WDR35: variants seen among roughly 807,000 people sequenced by gnomAD.
WDR35 encodes the protein WD repeat-containing protein 35.
A neutral mutation model predicts 158.3 loss-of-function variants in WDR35; 118 were observed. The observed-to-expected ratio is 0.75, with a 90% CI of 0.64 to 0.87. WDR35 has a LOEUF of 0.87. Ranked by LOEUF, WDR35 falls within the 40% of genes least tolerant of loss-of-function variation. WDR35 has a pLI of 0.00. For missense variants in WDR35, 1,263 were observed against 1,405.8 expected (o/e 0.90, Z 1.62); for synonymous variants, 448 against 476.1 (o/e 0.94, Z 0.77).
At chr2:19,928,426 T>C (rs1670423140) in intron 25 of WDR35, among the ~76,000 whole-genome samples, 1 of 152,230 alleles carries the variant, frequency 6.6e-6, no homozygotes, top group Non-Finnish European at 1.5e-5. Flanking sequence ...GATTTCCCAC[T>C]TCACACCTCT....
rs1670516739 is a variant in WDR35 at position 19,931,284 on chromosome 2, T to C, written c.2949A>G (p.Lys983=). The change falls in exon 24 of 27, where the codon AAA becomes AAG. Residue 983 remains lysine (K), a synonymous_variant. Coordinates refer to ENST00000281405, the MANE Select transcript of WDR35 (RefSeq NM_020779.4). The part of the protein sequence containing the change: ...QMKNAQRGKV[K]GKSSEATSAL... ...GCTACTTTACCTCTGAACTTTTTCC[T>C]TTAACTTTTCCTCGCTGGGCATTCT... The C allele has an allele frequency of 6.2e-7, 1 of 1,613,186 alleles. No individual in the cohort carries two copies. The highest frequency in any genetic ancestry group is 8.5e-7 in the Non-Finnish European group (1 of 1,179,642).
rs1671334154 is a variant in WDR35, at chr2:19,953,937, C to G, written c.1297G>C (p.Ala433Pro). The G allele has an allele frequency of 6.2e-7, 1 of 1,614,154 alleles. No individual in the cohort carries two copies. The highest frequency in any genetic ancestry group is 8.5e-7 in the Non-Finnish European group (1 of 1,180,008). ...CAGGTATAAAATGCTTCTTTCGAGGCTGCTATCACATGGGTTTTGGTCATT... is the reference window on the plus strand; with the variant it reads ...CAGGTATAAAATGCTTCTTTCGAGGGTGCTATCACATGGGTTTTGGTCATT... Reference protein sequence around the residue: ...VAMTKTHVIAASKEAFYTWQY... With the variant: ...VAMTKTHVIAPSKEAFYTWQY... The change falls in exon 12 of 27, where the codon GCC (alanine) becomes CCC (proline). Residue 433 changes from alanine (A) to proline (P), a missense_variant. By Grantham distance (27) the Ala-to-Pro change is conservative. Transcript: ENST00000281405.
Position 19,951,499 on chromosome 2 carries a change from A to C in WDR35, c.1401-15T>G, listed in dbSNP as rs201903683. On this transcript the variant is annotated splice_polypyrimidine_tract_variant and intron_variant, in intron 12 of 26. Transcript: ENST00000281405. ...CATGATAAATTCTGCAAAAAAGATC[A>C]GAATTTCAAAGAAAGTTTAAGTATA... 180 of 1,594,352 alleles carry C rather than the reference A, an allele frequency of 1.1e-4. No homozygotes were observed. In the African/African-American group the frequency reaches 2.1e-3, roughly 18 times the overall value.
chr2:19,958,292 A>G (rs953972100), intron 11 of WDR35, among the ~76,000 whole-genome samples: 3 of 152,334 alleles, frequency 2.0e-5, no homozygotes, highest in Admixed American at 2.0e-4. Context: ...TCCTTGAAAT[A>G]TCACCTAAAG....
chr2:19,988,262 T>C (rs1451592521), intron 2 of WDR35, among the ~76,000 whole-genome samples: 1 of 152,194 alleles, frequency 6.6e-6, no homozygotes, highest in Non-Finnish European at 1.5e-5. Flanking sequence ...TGGAAAATCG[T>C]CAATAAGTAT....
At chr2:19,979,473 C>T (rs540640062) in intron 4 of WDR35, among the ~76,000 whole-genome samples, 7 of 152,024 alleles carry the variant, frequency 4.6e-5, no homozygotes, top group African/African-American at 1.7e-4. Context: ...ATCTCTAATG[C>T]CGAATGACAA....
chr2:19,916,126 C>T (rs1443334020), intron 25 of WDR35, among the ~76,000 whole-genome samples: 2 of 152,160 alleles, frequency 1.3e-5, no homozygotes, highest in Non-Finnish European at 2.9e-5. Flanking sequence ...GGCGTCACCT[C>T]ACCTGGGAAA....
rs75371689 is a variant in WDR35, at chr2:19,952,074, G to A, written c.1401-590C>T. Among the ~76,000 whole-genome samples the A allele has an allele frequency of 0.085, 12,842 of 151,814 alleles. 631 individuals carry two copies. The highest frequency in any genetic ancestry group is 0.22 in the East Asian group (1,162 of 5,176). ...TACAGTTCTGTTATATGGATATATTGAGTAGTGGTGATGTCTGGGCTTTTA... is the reference window on the plus strand; with the variant it reads ...TACAGTTCTGTTATATGGATATATTAAGTAGTGGTGATGTCTGGGCTTTTA... On this transcript the variant is annotated intron_variant, in intron 12 of 26. Coordinates refer to ENST00000281405, the MANE Select transcript of WDR35 (RefSeq NM_020779.4).
rs543208243 is a variant in WDR35, at chr2:19,968,731, A to G, written c.1008+749T>C. Among the ~76,000 whole-genome samples the G allele has an allele frequency of 2.0e-4, 30 of 152,326 alleles. No individual in the cohort carries two copies. The South Asian group carries it at 2.5e-3, about 13-fold the overall frequency. On this transcript the variant is annotated intron_variant, in intron 9 of 26. Transcript: ENST00000281405. ...CCTTTACCTTTTCAAAATTAAATATATAAGATTTTTATAACAAATAGTTTA... is the reference window on the plus strand; with the variant it reads ...CCTTTACCTTTTCAAAATTAAATATGTAAGATTTTTATAACAAATAGTTTA...
At chr2:19,941,126 A>G (rs1193272792) in intron 17 of WDR35, among the ~76,000 whole-genome samples, 1 of 152,182 alleles carries the variant, frequency 6.6e-6, no homozygotes, top group East Asian at 1.9e-4. Context: ...AACTATATAT[A>G]TATTACATAG....
chr2:19,953,621 C>T (rs1046472651), intron 12 of WDR35, among the ~76,000 whole-genome samples: 5 of 152,184 alleles, frequency 3.3e-5, no homozygotes, highest in Non-Finnish European at 5.9e-5. Context: ...CAGCTTTCCA[C>T]TCTTTATCTC....
At chr2:19,973,204 T>A (rs2103453025) in intron 8 of WDR35, among the ~76,000 whole-genome samples, 1 of 152,108 alleles carries the variant, frequency 6.6e-6, no homozygotes, top group East Asian at 1.9e-4. Context: ...ACATTAAAAA[T>A]CAGAAAAATT....
chr2:19,959,397 CAA>C (rs897033682), intron 11 of WDR35, among the ~76,000 whole-genome samples: 5 of 151,916 alleles, frequency 3.3e-5, no homozygotes, highest in African/African-American at 9.7e-5. Context: ...TTCTAATAAA[CAA>C]GAGATATTTA....
At chr2:19,977,554 T>G (rs1672252444) in intron 5 of WDR35, among the ~76,000 whole-genome samples, 1 of 152,174 alleles carries the variant, frequency 6.6e-6, no homozygotes, top group African/African-American at 2.4e-5. Flanking sequence ...CCATAATCTC[T>G]CACCTGAATT....
At chr2:19,935,270 G>T in intron 21 of WDR35, 1 of 475,674 alleles carries the variant, frequency 2.1e-6, no homozygotes, top group Non-Finnish European at 3.5e-6. Context: ...GTAAGAATGT[G>T]ACTGACTTTT....
intron 25 of WDR35, among the ~76,000 whole-genome samples, chr2:19,924,158 C>T (rs1670276366): frequency 1.3e-5 from 2 of 152,114 alleles, no homozygotes; most frequent in Non-Finnish European, 2.9e-5. Flanking sequence ...TGCATTAGAG[C>T]TTGGGAAAAA....
chr2:19,953,373 C>T lies in WDR35; in HGVS notation c.1400+461G>A, dbSNP rs543444498. ...CCAGGGCAAGAAAAAGAAGCTAAGT[C>T]CCCAGTTCACCCCACCTAAAGACTT... On this transcript the variant is annotated intron_variant, in intron 12 of 26. Transcript: ENST00000281405. 7.2e-5 allele frequency among the ~76,000 whole-genome samples: 11 copies of T among 152,228 alleles called. No individual in the cohort carries two copies. The East Asian group carries it at 2.1e-3, about 29-fold the overall frequency.
chr2:19,972,079 C>G (rs1428566222), intron 8 of WDR35, among the ~76,000 whole-genome samples: 1 of 152,194 alleles, frequency 6.6e-6, no homozygotes, highest in African/African-American at 2.4e-5. Context: ...CAGTGCAAAA[C>G]CCAGGAGCCC....
At position 19,912,221 on chromosome 2, in the gene WDR35, A is replaced by G. The variant is rs1230790927; in HGVS notation, c.*1337T>C. The G allele has an allele frequency of 6.6e-6, 1 of 152,214 alleles. No individual in the cohort carries two copies. The highest frequency in any genetic ancestry group is 1.5e-5 in the Non-Finnish European group (1 of 68,048). 9.4% of individuals were successfully genotyped at this position (152,214 alleles called of 1,614,324 possible). ...GTATTGCAAATTGGTTCAATAAACC[A>G]ATGTATTTTGAGAATTTTTATTTGG... On this transcript the variant is annotated 3_prime_UTR_variant, in exon 27 of 27. Coordinates refer to ENST00000281405, the MANE Select transcript of WDR35 (RefSeq NM_020779.4).
Sources: gnomAD v4.1 joint callset for allele counts (sites outside exome capture counted in the v4.1 genomes callset) on GRCh38, gnomAD v4.1.1 for gene constraint, MANE v1.5 for transcripts, NCBI Gene and HGNC (gene_info 2026-07-23, HGNC 2026-07-21) for gene names.